SGCZ: variants seen among roughly 807,000 people sequenced by gnomAD.
The protein encoded by SGCZ is zeta-sarcoglycan.
SGCZ carries 40 observed loss-of-function variants against 41.3 expected under a neutral mutation model. That is an observed-to-expected ratio of 0.97 (90% CI 0.75 to 1.26). The LOEUF is 1.26. Ranked by LOEUF, SGCZ falls within the 50% of genes most tolerant of loss-of-function variation. The pLI is 0.00. For synonymous variants in SGCZ, 206 were observed against 137.5 expected (o/e 1.50, Z -3.49); for missense variants, 552 against 369.8 (o/e 1.49, Z -4.04).
intron 3 of SGCZ, among the ~76,000 whole-genome samples, chr8:14,284,628 A>C (rs1800562040): frequency 2.0e-5 from 3 of 152,096 alleles, no homozygotes; most frequent in Admixed American, 1.3e-4. Context: ...GATATTGTTA[A>C]GTTTAAGCCT....
rs56339693 is a variant in SGCZ at position 14,818,345 on chromosome 8, C to G, written c.40-263419G>C. Among the ~76,000 whole-genome samples, 450 of 152,310 alleles carry G rather than the reference C, an allele frequency of 3.0e-3. 1 individual carries two copies. The highest frequency in any genetic ancestry group is 0.014 in the Middle Eastern group (4 of 294). ...CATCACAAACTGTACAGCCTACCCA[C>G]TGAGGCAATTGCAGACATTGCTAAT... On this transcript the variant is annotated intron_variant, in intron 1 of 7. Transcript: ENST00000382080.
chr8:14,669,931 T>C (rs954942009), intron 1 of SGCZ, among the ~76,000 whole-genome samples: 3 of 152,216 alleles, frequency 2.0e-5, no homozygotes, highest in African/African-American at 7.2e-5. Flanking sequence ...TAACACTAAA[T>C]ACAATGTCCA....
intron 3 of SGCZ, among the ~76,000 whole-genome samples, chr8:14,294,854 G>A (rs190708220): frequency 1.9e-4 from 29 of 152,092 alleles, no homozygotes; most frequent in African/African-American, 7.0e-4. Context: ...AAACTACAGT[G>A]CACTGCCACT....
At chr8:14,918,023 T>C (rs1475950737) in intron 1 of SGCZ, among the ~76,000 whole-genome samples, 3 of 152,192 alleles carry the variant, frequency 2.0e-5, no homozygotes, top group Non-Finnish European at 2.9e-5. Context: ...ATTTTTAAAA[T>C]GCCCTCTTGG....
intron 1 of SGCZ, among the ~76,000 whole-genome samples, chr8:15,063,546 T>C (rs17655261): frequency 0.1 from 15,354 of 152,214 alleles, 995 homozygotes; most frequent in East Asian, 0.29. Context: ...TGACCACCAA[T>C]GATTTTTAAA....
chr8:14,918,810 T>G (rs779777880), intron 1 of SGCZ, among the ~76,000 whole-genome samples: 3 of 152,228 alleles, frequency 2.0e-5, no homozygotes, highest in Non-Finnish European at 4.4e-5. Flanking sequence ...AGAACAGTAG[T>G]GCAGACCAGC....
intron 1 of SGCZ, among the ~76,000 whole-genome samples, chr8:15,127,752 T>A (rs887245927): frequency 6.6e-6 from 1 of 152,238 alleles, no homozygotes; most frequent in South Asian, 2.1e-4. Context: ...ATATGTGGAA[T>A]AAAAATAATT....
chr8:14,343,942 A>T (rs1802802681), intron 2 of SGCZ, among the ~76,000 whole-genome samples: 1 of 152,220 alleles, frequency 6.6e-6, no homozygotes, highest in South Asian at 2.1e-4. Flanking sequence ...GGATTCACAT[A>T]TTGGTTCAAA....
intron 4 of SGCZ, among the ~76,000 whole-genome samples, chr8:14,222,156 T>C (rs960312318): frequency 6.6e-6 from 1 of 152,036 alleles, no homozygotes; most frequent in African/African-American, 2.4e-5. Context: ...TTTGTTGTTG[T>C]TGTTGCTGTT....
chr8:14,517,939 TTAAA>T (rs1333256574), intron 2 of SGCZ, among the ~76,000 whole-genome samples: 3 of 151,988 alleles, frequency 2.0e-5, no homozygotes, highest in South Asian at 4.2e-4. Flanking sequence ...ATTTTTCTCT[TTAAA>T]TAAACATTTC....
At chr8:14,603,246 G>C (rs1173787730) in intron 1 of SGCZ, among the ~76,000 whole-genome samples, 1 of 151,994 alleles carries the variant, frequency 6.6e-6, no homozygotes, top group Non-Finnish European at 1.5e-5. Context: ...AAGTCACTCA[G>C]CAACGTTAGA....
intron 1 of SGCZ, among the ~76,000 whole-genome samples, chr8:14,814,202 A>T (rs1382267503): frequency 6.6e-6 from 1 of 152,178 alleles, no homozygotes; most frequent in African/African-American, 2.4e-5. Context: ...TTAACGTCTC[A>T]TCTCAGAACA....
At chr8:14,576,488 T>A (rs1408310812) in intron 1 of SGCZ, among the ~76,000 whole-genome samples, 1 of 152,152 alleles carries the variant, frequency 6.6e-6, no homozygotes, top group East Asian at 1.9e-4. Flanking sequence ...TAAGTTAATG[T>A]GAAATGAAAC....
At chr8:14,646,452 T>C (rs547832425) in intron 1 of SGCZ, among the ~76,000 whole-genome samples, 93 of 152,128 alleles carry the variant, frequency 6.1e-4, no homozygotes, top group African/African-American at 2.1e-3. Flanking sequence ...CAACCCACTG[T>C]TGATGGGCAC....
At position 14,179,001 on chromosome 8, in the gene SGCZ, A is replaced by G. The variant is rs562461928; in HGVS notation, c.425-14299T>C. Among the ~76,000 whole-genome samples, 27 of 152,300 alleles carry G rather than the reference A, an allele frequency of 1.8e-4. 1 individual carries two copies. The East Asian group carries it at 4.8e-3, about 27-fold the overall frequency. Reference sequence around the variant, plus strand: ...ACTGGCAGACCTCATTGAGCTAAAGACAAGGATTGAGTCCATAAGGTAATC... The same window carrying G: ...ACTGGCAGACCTCATTGAGCTAAAGGCAAGGATTGAGTCCATAAGGTAATC... On this transcript the variant is annotated intron_variant, in intron 4 of 7. Coordinates refer to ENST00000382080, the MANE Select transcript of SGCZ (RefSeq NM_139167.4).
intron 1 of SGCZ, among the ~76,000 whole-genome samples, chr8:14,903,161 T>C (rs1189961837): frequency 6.6e-6 from 1 of 152,086 alleles, no homozygotes; most frequent in Non-Finnish European, 1.5e-5. Context: ...TCTGCCTCAA[T>C]GACTATAATG....
At chr8:15,127,783 A>C (rs1035375462) in intron 1 of SGCZ, among the ~76,000 whole-genome samples, 11 of 152,362 alleles carry the variant, frequency 7.2e-5, no homozygotes, top group Non-Finnish European at 8.8e-5. Context: ...CATTAATGTT[A>C]TCAACACAAA....
intron 2 of SGCZ, among the ~76,000 whole-genome samples, chr8:14,386,554 T>A (rs934335003): frequency 2.0e-5 from 3 of 152,180 alleles, no homozygotes; most frequent in African/African-American, 7.2e-5. Context: ...TTTTTAGAAA[T>A]GTTTCAGGCA....
chr8:14,593,463 T>A (rs948479585), intron 1 of SGCZ, among the ~76,000 whole-genome samples: 1 of 152,164 alleles, frequency 6.6e-6, no homozygotes, highest in African/African-American at 2.4e-5. Context: ...GTCACTAAGT[T>A]TGTAGTAATT....
Sources: gnomAD v4.1 joint callset for allele counts (sites outside exome capture counted in the v4.1 genomes callset) on GRCh38, gnomAD v4.1.1 for gene constraint, MANE v1.5 for transcripts, NCBI Gene and HGNC (gene_info 2026-07-23, HGNC 2026-07-21) for gene names.